CNTNAP2: variants seen among roughly 807,000 people sequenced by gnomAD.
The protein encoded by CNTNAP2 is contactin associated protein 2, also known as contactin-associated protein-like 2.
In CNTNAP2, 98 loss-of-function variants were observed where a neutral mutation model predicts 155.2. That is an observed-to-expected ratio of 0.63 (90% CI 0.54 to 0.75). CNTNAP2 has a LOEUF of 0.75. Ranked by LOEUF, CNTNAP2 falls within the 30% of genes least tolerant of loss-of-function variation. The probability of loss-of-function intolerance (pLI) is 0.00; values close to 1 mark genes in which losing one functional copy is unlikely to be tolerated. For synonymous variants in CNTNAP2, 651 were observed against 631.2 expected (o/e 1.03, Z -0.47); for missense variants, 1,727 against 1,688.1 (o/e 1.02, Z -0.40).
At chr7:147,120,865 G>T in intron 5 of CNTNAP2, 114 bp from the exon 6 acceptor site, 7 of 962,080 alleles carry the variant, frequency 7.3e-6, no homozygotes, top group South Asian at 1.3e-5. Context: ...AACTCGAATG[G>T]ATAGAGCTTT....
intron 1 of CNTNAP2, among the ~76,000 whole-genome samples, chr7:146,683,844 A>G (rs1258184201): frequency 3.3e-5 from 5 of 152,218 alleles, no homozygotes; most frequent in Non-Finnish European, 7.3e-5. Flanking sequence ...TGGTAAAATG[A>G]TATATGTACA....
intron 1 of CNTNAP2, among the ~76,000 whole-genome samples, chr7:146,619,146 A>G (rs1304075156): frequency 1.3e-5 from 2 of 152,132 alleles, no homozygotes; most frequent in African/African-American, 2.4e-5. Context: ...TATGAAAATG[A>G]CATGAAATTT....
rs1366439739 is a variant in CNTNAP2, at chr7:148,229,644, A to G, written c.3248-2A>G. On this transcript the variant is annotated splice_acceptor_variant, in intron 19 of 23. Transcript: ENST00000361727. LOFTEE classifies it high-confidence loss of function. The stretch of plus-strand genomic sequence containing the variant: ...TACTGAGCTTTCTTTTTTCTTCTAT[A>G]GGAAGCTTACAGATTCGATACAACC... The G allele has an allele frequency of 1.2e-6, 2 of 1,614,158 alleles. No homozygotes were observed. Among genetic ancestry groups the G allele is most frequent in the Admixed American group, 1.7e-5 (1 of 60,026 alleles).
chr7:148,194,220 A>G (rs1585179889), intron 18 of CNTNAP2, among the ~76,000 whole-genome samples: 2 of 151,378 alleles, frequency 1.3e-5, no homozygotes, highest in East Asian at 3.9e-4. Context: ...CTGGTCTCAA[A>G]GTTCTGGGTT....
At chr7:146,821,058 G>C (rs892539499) in intron 2 of CNTNAP2, among the ~76,000 whole-genome samples, 7 of 152,022 alleles carry the variant, frequency 4.6e-5, no homozygotes, top group Non-Finnish European at 7.4e-5. Context: ...CTATGTGTGT[G>C]TCTGCACGTG....
At chr7:148,042,017 G>T (rs1802687076) in intron 15 of CNTNAP2, among the ~76,000 whole-genome samples, 1 of 152,142 alleles carries the variant, frequency 6.6e-6, no homozygotes, top group South Asian at 2.1e-4. Context: ...TTCTGTGCTT[G>T]GTGCTGGGAA....
intron 8 of CNTNAP2, among the ~76,000 whole-genome samples, chr7:147,205,439 A>G (rs191540170): frequency 6.6e-6 from 1 of 152,250 alleles, no homozygotes; most frequent in East Asian, 1.9e-4. Context: ...AGATCTGTAG[A>G]TTGCTTTGAG....
chr7:146,742,374 C>A (rs150966865), intron 1 of CNTNAP2, among the ~76,000 whole-genome samples: 1 of 152,002 alleles, frequency 6.6e-6, no homozygotes, highest in Non-Finnish European at 1.5e-5. Flanking sequence ...TCAGAACTCA[C>A]GGAAGAATAG....
Position 146,720,033 on chromosome 7 carries a change from T to C in CNTNAP2, c.98-54238T>C, listed in dbSNP as rs527429454. 1.2e-3 allele frequency among the ~76,000 whole-genome samples: 184 copies of C among 152,108 alleles called. 3 individuals are homozygous for C. Among genetic ancestry groups the C allele is most frequent in the Middle Eastern group, 0.01 (3 of 294 alleles). On this transcript the variant is annotated intron_variant, in intron 1 of 23. Coordinates refer to ENST00000361727, the MANE Select transcript of CNTNAP2 (RefSeq NM_014141.6). ...AGGGAGGCAAGTACTGTTTTTTTGG[T>C]TTGTTTGTTTTTTCTCAGTTTTCAC...
chr7:146,205,748 C>T (rs931706506), intron 1 of CNTNAP2, among the ~76,000 whole-genome samples: 1 of 151,806 alleles, frequency 6.6e-6, no homozygotes, highest in East Asian at 1.9e-4. Flanking sequence ...AAAAGTCTAA[C>T]ATAGCAACTT....
chr7:147,533,704 C>T (rs1799485656), intron 11 of CNTNAP2, among the ~76,000 whole-genome samples: 1 of 150,434 alleles, frequency 6.6e-6, no homozygotes, highest in African/African-American at 2.5e-5. Flanking sequence ...CCAGGAGATC[C>T]CATCTCAAAA....
Position 148,144,863 on chromosome 7 carries a change from C to T in CNTNAP2, c.2555-2628C>T, listed in dbSNP as rs1563213938. Among the ~76,000 whole-genome samples, 7 of 152,118 alleles carry T rather than the reference C, an allele frequency of 4.6e-5. No homozygotes were observed. In the South Asian group the frequency reaches 1.2e-3, roughly 27 times the overall value. On this transcript the variant is annotated intron_variant, in intron 16 of 23. Coordinates refer to ENST00000361727, the MANE Select transcript of CNTNAP2 (RefSeq NM_014141.6). The stretch of plus-strand genomic sequence containing the variant: ...TCTTTTATGCTGTCTCCCTTTTATT[C>T]GCTCACTCTCTCTATAATTATCTCT...
intron 11 of CNTNAP2, among the ~76,000 whole-genome samples, chr7:147,490,960 A>C (rs1798599458): frequency 6.6e-6 from 1 of 152,114 alleles, no homozygotes; most frequent in Non-Finnish European, 1.5e-5. Context: ...CGCTGTCATG[A>C]GAATAGCATG....
chr7:147,056,974 T>A (rs1328858113), intron 4 of CNTNAP2, among the ~76,000 whole-genome samples: 1 of 150,442 alleles, frequency 6.6e-6, no homozygotes, highest in African/African-American at 2.4e-5. Context: ...ATGGGGTTAT[T>A]TTTTTTTTGG....
At chr7:147,039,498 G>A (rs1799219558) in intron 3 of CNTNAP2, among the ~76,000 whole-genome samples, 1 of 152,132 alleles carries the variant, frequency 6.6e-6, no homozygotes, top group African/African-American at 2.4e-5. Flanking sequence ...TGTTTGCTAA[G>A]TATAATAGAC....
intron 1 of CNTNAP2, among the ~76,000 whole-genome samples, chr7:146,260,049 T>A (rs113673487): frequency 0.042 from 6,322 of 152,276 alleles, 403 homozygotes; most frequent in African/African-American, 0.14. Context: ...CTCTAGCTTT[T>A]GCTGTGGCTA....
At chr7:147,569,237 G>T (rs1159809486) in intron 12 of CNTNAP2, among the ~76,000 whole-genome samples, 1 of 152,136 alleles carries the variant, frequency 6.6e-6, no homozygotes, top group African/African-American at 2.4e-5. Context: ...CTCAGTATTA[G>T]TATCGTATTT....
At chr7:148,042,216 T>C (rs926793687) in intron 15 of CNTNAP2, among the ~76,000 whole-genome samples, 1 of 152,262 alleles carries the variant, frequency 6.6e-6, no homozygotes, top group Non-Finnish European at 1.5e-5. Context: ...TTCAGTCAAG[T>C]TCAGTAGCAT....
rs563081654 is a variant in CNTNAP2 at position 146,906,106 on chromosome 7, C to T, written c.402+66202C>T. 1.1e-4 allele frequency among the ~76,000 whole-genome samples: 17 copies of T among 152,324 alleles called. No individual in the cohort carries two copies. The East Asian group carries it at 1.5e-3, about 14-fold the overall frequency. ...TGAGCTTTCAGACCGGCTTAAAAAA[C>T]GGCGCACCACGGGACTATATCCCAC... On this transcript the variant is annotated intron_variant, in intron 3 of 23. Coordinates refer to ENST00000361727, the MANE Select transcript of CNTNAP2 (RefSeq NM_014141.6).
Sources: allele counts gnomAD v4.1 joint callset (sites outside exome capture counted in the v4.1 genomes callset), GRCh38; gene constraint gnomAD v4.1.1; transcripts MANE v1.5; gene names NCBI Gene and HGNC (gene_info 2026-07-23, HGNC 2026-07-21).